GCNA: variants seen among roughly 807,000 people sequenced by gnomAD.
GCNA encodes germ cell nuclear acidic peptidase, also known as germ cell nuclear acidic protein.
A neutral mutation model predicts 38.8 loss-of-function variants in GCNA; 3 were observed. The ratio of observed to expected loss-of-function variants is 0.08; its 90% CI spans 0.04 to 0.20. The LOEUF is 0.20. Among genes scored for constraint, GCNA ranks in the 10% least tolerant of loss-of-function variants. The pLI is 1.00. For synonymous variants in GCNA, 195 were observed against 240.2 expected (o/e 0.81, Z 1.74); for missense variants, 446 against 578.6 (o/e 0.77, Z 2.35).
In GCNA at chrX:71,603,973, G is replaced by A. The variant is rs746805595; in HGVS notation, c.696G>A (p.Ser232=). The part of the protein sequence containing the change: ...SDVPDDSSDD[S]DVPDDSSDDS... ...TTCCCGACGACAGCAGTGATGATTC[G>A]GATGTTCCCGACGACAGCAGTGATG... The change falls in exon 8 of 13, where the codon TCG becomes TCA. Residue 232 remains serine, a synonymous_variant. Transcript: ENST00000373696. 2 of 1,210,055 alleles carry A rather than the reference G, an allele frequency of 1.7e-6. No homozygotes were observed. Among genetic ancestry groups the A allele is most frequent in the Admixed American group, 4.4e-5 (2 of 45,880 alleles).
At position 71,612,979 on chromosome X, in the gene GCNA, G is replaced by A. The variant is rs1158137801; in HGVS notation, c.2073G>A (p.Val691=). 1.7e-6 allele frequency: 2 copies of A among 1,209,865 alleles called. No individual in the cohort carries two copies. Among genetic ancestry groups the A allele is most frequent in the Non-Finnish European group, 2.2e-6 (2 of 895,206 alleles). Residue 691 remains valine, a synonymous_variant, in exon 13 of 13, where the codon GTG becomes GTA. Transcript: ENST00000373696. ...QKDGTRIVPH[V] ...ATGGGACCCGTATTGTGCCCCACGT[G>A]TGACCATTTGCTGTGTATGTGCAGA... is the stretch of plus-strand genomic sequence containing the variant.
chrX:71,603,685 G>T lies in GCNA; in HGVS notation c.408G>T (p.Leu136Phe). The T allele has an allele frequency of 1.7e-6, 2 of 1,211,584 alleles. No homozygotes were observed. The highest frequency in any genetic ancestry group is 2.2e-6 in the Non-Finnish European group (2 of 895,568). The stretch of plus-strand genomic sequence containing the variant: ...ATGACGATGACAACGGTAATGATTT[G>T]GAAGTTCCCGACGACAACAGTGATG... ...DDNDDDNGNDLEVPDDNSDDS... is the reference protein window; with the variant it reads ...DDNDDDNGNDFEVPDDNSDDS... The change falls in exon 8 of 13, where the codon TTG becomes TTT. Residue 136 changes from leucine to phenylalanine, a missense_variant. Physicochemically the swap from Leu to Phe is conservative, Grantham distance 22. Coordinates refer to ENST00000373696, the MANE Select transcript of GCNA (RefSeq NM_052957.5).
intron 11 of GCNA, 45 bp from the exon 12 acceptor site, chrX:71,612,310 A>ATG: frequency 6.7e-6 from 3 of 444,867 alleles, no homozygotes; most frequent in Non-Finnish European, 1.1e-5. Context: ...AAAAAAAAAG[A>ATG]GGATTGGTTT....
chrX:71,578,977 A>G (rs1602163480), intron 1 of GCNA, among the ~76,000 whole-genome samples: 4 of 61,790 alleles, frequency 6.5e-5, no homozygotes, highest in Non-Finnish European at 9.8e-5. Context: ...AGTGTCGGGG[A>G]AGTGGGGGTG....
At chrX:71,595,557 A>G (rs1167944878) in intron 6 of GCNA, among the ~76,000 whole-genome samples, 1 of 111,329 alleles carries the variant, frequency 9.0e-6, no homozygotes, top group Non-Finnish European at 1.9e-5. Flanking sequence ...CCAATATTTA[A>G]CGCCTTCTGT....
At chrX:71,611,598 CCTTT>C (rs1215495547) in intron 11 of GCNA, among the ~76,000 whole-genome samples, 1 of 111,828 alleles carries the variant, frequency 8.9e-6, no homozygotes, top group Non-Finnish European at 1.9e-5. Flanking sequence ...CCCAGAATGG[CCTTT>C]CTAACTTTGC....
intron 6 of GCNA, among the ~76,000 whole-genome samples, chrX:71,595,845 G>A (rs1774131929): frequency 8.9e-6 from 1 of 112,421 alleles, no homozygotes; most frequent in South Asian, 3.6e-4. Flanking sequence ...GGCTATCTCC[G>A]ATTTATCTCT....
intron 9 of GCNA, among the ~76,000 whole-genome samples, chrX:71,606,671 G>A (rs141961345): frequency 8.9e-5 from 10 of 111,918 alleles, no homozygotes; most frequent in Non-Finnish European, 1.1e-4. Flanking sequence ...AGGTTACCCC[G>A]GACCTGAGCA....
chrX:71,583,528 T>A (rs2040561749), intron 2 of GCNA, among the ~76,000 whole-genome samples: 1 of 110,557 alleles, frequency 9.0e-6, no homozygotes, highest in Non-Finnish European at 1.9e-5. Flanking sequence ...ATATACGTCT[T>A]AATAAGTAAT....
chrX:71,580,662 GAT>G (rs1338510301), intron 1 of GCNA, 156 bp from the exon 2 acceptor site: 1 of 410,472 alleles, frequency 2.4e-6, no homozygotes, highest in Non-Finnish European at 4.1e-6. Context: ...TTTTAATAGA[GAT>G]AGGGTTTCAC....
In GCNA at chrX:71,604,188, C is replaced by T. The variant is rs1421927013; in HGVS notation, c.911C>T (p.Ala304Val). 5 of 1,207,598 alleles carry T rather than the reference C, an allele frequency of 4.1e-6. No individual in the cohort carries two copies. The highest frequency in any genetic ancestry group is 2.3e-4 in the Middle Eastern group (1 of 4,330). The change falls in exon 8 of 13, where the codon GCT (alanine) becomes GTT (valine). Residue 304 changes from alanine (A) to valine (V), a missense_variant. Around this residue, in one of 7 missense-constraint regions of GCNA, gnomAD observed 160 missense variants for 165.2 expected, o/e 0.97. Transcript: ENST00000373696. Reference sequence around the variant, plus strand: ...GACGACAGCAGTGATGATTCGGAAGCTCCCGACGACAAGAGTGATGATTCG... The same window carrying T: ...GACGACAGCAGTGATGATTCGGAAGTTCCCGACGACAAGAGTGATGATTCG... Reference protein sequence around the residue: ...ASDDSSDDSEAPDDKSDDSDV... With the variant: ...ASDDSSDDSEVPDDKSDDSDV...
At chrX:71,604,793 C>T in intron 8 of GCNA, 117 bp downstream of exon 8, 1 of 1,017,805 alleles carries the variant, frequency 9.8e-7, no homozygotes, top group East Asian at 3.2e-5. Flanking sequence ...TCAGCAACTT[C>T]CCTGTGGCCC....
chrX:71,584,252 T>A (rs2040568244), intron 2 of GCNA, among the ~76,000 whole-genome samples: 1 of 110,807 alleles, frequency 9.0e-6, no homozygotes, highest in South Asian at 3.8e-4. Flanking sequence ...TAGTATTTAA[T>A]TTTTTTTGTT....
chrX:71,582,831 TA>T (rs2040556791), intron 2 of GCNA, among the ~76,000 whole-genome samples: 1 of 112,363 alleles, frequency 8.9e-6, no homozygotes, highest in Non-Finnish European at 1.9e-5. Flanking sequence ...CATGTTCATG[TA>T]ATCATATATA....
intron 11 of GCNA, 72 bp from the exon 12 acceptor site, chrX:71,612,283 G>GAA (rs756270122): frequency 0.041 from 10,961 of 269,902 alleles, 7 homozygotes; most frequent in Admixed American, 0.078. Flanking sequence ...CTCAAAAAAG[G>GAA]AAAAAAAAAA....
intron 7 of GCNA, among the ~76,000 whole-genome samples, chrX:71,602,221 C>T (rs776442497): frequency 4.5e-5 from 5 of 111,780 alleles, no homozygotes; most frequent in South Asian, 3.8e-4. Flanking sequence ...GACAGTCTCA[C>T]GCTCACCCAG....
intron 6 of GCNA, among the ~76,000 whole-genome samples, chrX:71,596,885 C>T (rs952804936): frequency 1.8e-5 from 2 of 111,940 alleles, no homozygotes; most frequent in East Asian, 2.8e-4. Flanking sequence ...TCGGTAAGGC[C>T]GTACCTCTGC....
At chrX:71,583,682 CTATTA>C (rs1007460286) in intron 2 of GCNA, among the ~76,000 whole-genome samples, 6 of 102,315 alleles carry the variant, frequency 5.9e-5, no homozygotes, top group Non-Finnish European at 1.2e-4. Flanking sequence ...ATTGGACATA[CTATTA>C]TATTCTTTTT....
intron 7 of GCNA, among the ~76,000 whole-genome samples, 180 bp from the exon 8 acceptor site, chrX:71,603,408 G>A (rs1272503789): frequency 8.9e-6 from 1 of 112,368 alleles, no homozygotes; most frequent in Non-Finnish European, 1.9e-5. Context: ...TCCAATCCAT[G>A]AACATGGAAT....
Sources: allele counts gnomAD v4.1 joint callset (sites outside exome capture counted in the v4.1 genomes callset), GRCh38; gene constraint gnomAD v4.1.1; regional missense constraint gnomAD v4.1.1; transcripts MANE v1.5; gene names NCBI Gene and HGNC (gene_info 2026-07-23, HGNC 2026-07-21).